Variants in ERCC6L2 observed in about 807,000 individuals in gnomAD.
ERCC6L2 encodes ERCC excision repair 6 like 2, also known as DNA excision repair protein ERCC-6-like 2.
In ERCC6L2, 77 loss-of-function variants were observed where a neutral mutation model predicts 132.0. That is an observed-to-expected ratio of 0.58 (90% CI 0.49 to 0.71). ERCC6L2 has a LOEUF of 0.71. ERCC6L2 is among the 30% of genes least tolerant of loss of function. ERCC6L2 has a pLI of 0.00. For missense variants in ERCC6L2, 1,542 were observed against 1,837.6 expected, an observed-to-expected ratio of 0.84 and a Z score of 2.94; for synonymous variants, 583 against 632.4, an observed-to-expected ratio of 0.92 and a Z score of 1.17.
At chr9:95,939,455 A>T (rs889469503) in intron 11 of ERCC6L2, among the ~76,000 whole-genome samples, 1 of 151,996 alleles carries the variant, frequency 6.6e-6, no homozygotes. Flanking sequence ...TTCTTTCAGC[A>T]CTTGAAAGAT....
At chr9:95,961,317 A>G (rs1831890235) in intron 13 of ERCC6L2, among the ~76,000 whole-genome samples, 1 of 152,126 alleles carries the variant, frequency 6.6e-6, no homozygotes, top group Non-Finnish European at 1.5e-5. Flanking sequence ...CCATGTGACA[A>G]TGGAGGCAGA....
chr9:95,973,648 C>T (rs1222170257), intron 16 of ERCC6L2, among the ~76,000 whole-genome samples: 1 of 152,056 alleles, frequency 6.6e-6, no homozygotes, highest in Non-Finnish European at 1.5e-5. Flanking sequence ...ATCATGAGAA[C>T]AGCATGGGAA....
rs78846681 is a variant in ERCC6L2, at chr9:96,006,776, A to G, written c.3674+2075A>G. Among the ~76,000 whole-genome samples the G allele has an allele frequency of 4.4e-3, 663 of 151,572 alleles. 13 individuals carry two copies. The highest frequency in any genetic ancestry group is 0.036 in the East Asian group (182 of 5,028). On this transcript the variant is annotated intron_variant, in intron 18 of 18. Coordinates refer to ENST00000653738, the MANE Select transcript of ERCC6L2 (RefSeq NM_020207.7). ...CAGGCACAGATGTGACATTTTCTCA[A>G]TGAGTTGAGAACTGAAGCCATAAGT...
intron 11 of ERCC6L2, among the ~76,000 whole-genome samples, chr9:95,936,701 G>A (rs1445855300): frequency 2.6e-5 from 4 of 152,162 alleles, no homozygotes; most frequent in African/African-American, 9.7e-5. Flanking sequence ...TACTGACGTT[G>A]ATACAGTGAA....
Position 95,972,985 on chromosome 9 carries a change from T to TAAGAAA in ERCC6L2, c.3236_3237insGAAAAA (p.His1078_Asn1079insLysLys). On this transcript the variant is annotated inframe_insertion, in exon 16 of 19. Transcript: ENST00000653738. ...GTTTTTCTTCAAAATTGCCTAGCCA[T>TAAGAAA]AATAAGAAAAATAGCACTTTTATTC... 2 of 1,347,396 alleles carry TAAGAAA rather than the reference T, an allele frequency of 1.5e-6. No individual in the cohort carries two copies. Among genetic ancestry groups the TAAGAAA allele is most frequent in the Non-Finnish European group, 2.0e-6 (2 of 1,011,390 alleles). 83.5% of individuals were successfully genotyped at this position (1,347,396 alleles called of 1,614,324 possible). A position where few individuals can be genotyped will look rare whatever the true frequency, so the allele number is the denominator to read the frequency against.
chr9:95,934,746 G>A (rs1353734736), intron 11 of ERCC6L2, among the ~76,000 whole-genome samples: 1 of 152,086 alleles, frequency 6.6e-6, no homozygotes, highest in Non-Finnish European at 1.5e-5. Flanking sequence ...AGGATTTGGG[G>A]TACCATACTG....
At chr9:95,913,145 A>C (rs1336340524) in intron 4 of ERCC6L2, among the ~76,000 whole-genome samples, 1 of 152,218 alleles carries the variant, frequency 6.6e-6, no homozygotes, top group Non-Finnish European at 1.5e-5. Context: ...GGTATCCCTC[A>C]ATCCTTTTAC....
At chr9:95,902,744 AGATTTAAAATTTTTATCTTGC>A (rs1475877928) in intron 3 of ERCC6L2, among the ~76,000 whole-genome samples, 1 of 152,128 alleles carries the variant, frequency 6.6e-6, no homozygotes, top group Non-Finnish European at 1.5e-5. Flanking sequence ...ACTACCTGAG[AGATTTAAAATTTTTATCTTGC>A]TTTGATTTAC....
chr9:95,887,027 C>A (rs1012511053), intron 2 of ERCC6L2, among the ~76,000 whole-genome samples: 5 of 152,222 alleles, frequency 3.3e-5, no homozygotes, highest in African/African-American at 1.2e-4. Context: ...TGCAGACATG[C>A]TATTGTGGCA....
intron 11 of ERCC6L2, chr9:95,929,112 C>G (rs1830227456): frequency 3.6e-6 from 1 of 275,640 alleles, no homozygotes; most frequent in Admixed American, 5.3e-5. Flanking sequence ...TTGATACTTC[C>G]TCCTATGAAT....
At chr9:95,905,010 C>T (rs1359364585) in intron 3 of ERCC6L2, 2 of 152,102 alleles carry the variant, frequency 1.3e-5, no homozygotes, top group African/African-American at 2.4e-5. Flanking sequence ...CCCATGTCTA[C>T]AGCAATACCA....
At chr9:96,038,838 A>C (rs1302585029) in intron 19 of ERCC6L2, 7 of 456,188 alleles carry the variant, frequency 1.5e-5, no homozygotes, top group Non-Finnish European at 2.6e-5. Flanking sequence ...AATGAACAAA[A>C]TGTAGCAGCA....
At chr9:96,011,309 G>A (rs1010398457) in intron 18 of ERCC6L2, among the ~76,000 whole-genome samples, 4 of 152,280 alleles carry the variant, frequency 2.6e-5, no homozygotes, top group African/African-American at 9.6e-5. Context: ...TGGGTTCTCT[G>A]GCATCTCTTC....
intron 2 of ERCC6L2, among the ~76,000 whole-genome samples, chr9:95,895,550 AGG>A: frequency 6.6e-6 from 1 of 151,840 alleles, no homozygotes; most frequent in Non-Finnish European, 1.5e-5. Context: ...CCCTTTTATT[AGG>A]TACACATTCT....
intron 4 of ERCC6L2, among the ~76,000 whole-genome samples, chr9:95,908,185 T>A (rs112844489): frequency 1.3e-5 from 2 of 152,270 alleles, no homozygotes; most frequent in African/African-American, 4.8e-5. Context: ...TTCCACAATT[T>A]AAATGTTCAG....
At chr9:96,024,126 TACTA>T (rs776585190) in intron 19 of ERCC6L2, among the ~76,000 whole-genome samples, 23 of 152,342 alleles carry the variant, frequency 1.5e-4, no homozygotes, top group South Asian at 2.1e-4. Flanking sequence ...TAAAAGTTGC[TACTA>T]ACTATTGCTC....
At chr9:96,006,507 G>A (rs767988631) in intron 18 of ERCC6L2, among the ~76,000 whole-genome samples, 2 of 152,218 alleles carry the variant, frequency 1.3e-5, no homozygotes, top group Non-Finnish European at 2.9e-5. Flanking sequence ...GCGCCCTGGC[G>A]GGAGGTGGCT....
At chr9:95,961,613 C>G (rs1431804570) in intron 13 of ERCC6L2, among the ~76,000 whole-genome samples, 1 of 152,144 alleles carries the variant, frequency 6.6e-6, no homozygotes, top group African/African-American at 2.4e-5. Flanking sequence ...TATGAAACTT[C>G]TGTATGACAA....
rs772615634 is a variant in ERCC6L2, at chr9:96,012,543, A to G, written c.3993A>G (p.Thr1331=). The G allele has an allele frequency of 5.9e-6, 8 of 1,367,374 alleles. No individual in the cohort carries two copies. In the Admixed American group the frequency reaches 1.3e-4, roughly 23 times the overall value. The allele number at this position is 1,367,374 out of a possible 1,614,324, so 84.7% of individuals were successfully genotyped here. A position where few individuals can be genotyped will look rare whatever the true frequency, so the allele number is the denominator to read the frequency against. The change falls in exon 19 of 19, where the codon ACA becomes ACG. Residue 1331 remains threonine, a synonymous_variant. Transcript: ENST00000653738. ...TTTCTCAAGTTTGCAGCCTAAAAACATATAAAAGAAAATCAGTTAAGTTTC... is the reference window on the plus strand; with the variant it reads ...TTTCTCAAGTTTGCAGCCTAAAAACGTATAAAAGAAAATCAGTTAAGTTTC... The part of the protein sequence containing the change: ...NKISQVCSLK[T]YKRKSVKFQN...
Sources: gnomAD v4.1 joint callset for allele counts (sites outside exome capture counted in the v4.1 genomes callset) on GRCh38, gnomAD v4.1.1 for gene constraint, MANE v1.5 for transcripts, NCBI Gene and HGNC (gene_info 2026-07-23, HGNC 2026-07-21) for gene names.